Variants in RSU1 observed in about 807,000 individuals in gnomAD.
RSU1 encodes the protein Ras suppressor protein 1, also known as rsu-1.
A neutral mutation model predicts 31.1 loss-of-function variants in RSU1; 26 were observed. The observed-to-expected ratio is 0.84, with a 90% CI of 0.61 to 1.16. RSU1 has a LOEUF of 1.16. RSU1 is among the 50% of genes most tolerant of loss of function. The probability of loss-of-function intolerance (pLI) is 0.00; values close to 1 mark genes in which losing one functional copy is unlikely to be tolerated. For missense variants in RSU1, 320 were observed against 339.1 expected (o/e 0.94, Z 0.44); for synonymous variants, 164 against 136.3 (o/e 1.20, Z -1.41).
intron 7 of RSU1, among the ~76,000 whole-genome samples, chr10:16,699,713 G>A (rs1263998353): frequency 1.3e-5 from 2 of 152,198 alleles, no homozygotes; most frequent in African/African-American, 4.8e-5. Context: ...TGCATCTACA[G>A]ACACGCTGGC....
At chr10:16,798,462 C>A (rs551008340) in intron 2 of RSU1, among the ~76,000 whole-genome samples, 1 of 152,044 alleles carries the variant, frequency 6.6e-6, no homozygotes, top group Non-Finnish European at 1.5e-5. Context: ...ACTGTTCCCC[C>A]GATAGTGAGT....
At chr10:16,643,495 G>C (rs1326516596) in intron 8 of RSU1, among the ~76,000 whole-genome samples, 1 of 152,110 alleles carries the variant, frequency 6.6e-6, no homozygotes, top group Non-Finnish European at 1.5e-5. Flanking sequence ...TTAGAAACAA[G>C]TATATTGGAA....
chr10:16,767,958 T>G (rs1837348141), intron 3 of RSU1, among the ~76,000 whole-genome samples: 1 of 152,202 alleles, frequency 6.6e-6, no homozygotes, highest in South Asian at 2.1e-4. Context: ...TTTTAGGTAT[T>G]CCAAAAAGGC....
At chr10:16,679,492 G>A (rs910146354) in intron 8 of RSU1, among the ~76,000 whole-genome samples, 5 of 152,048 alleles carry the variant, frequency 3.3e-5, no homozygotes, top group Non-Finnish European at 5.9e-5. Flanking sequence ...GATGATAAAA[G>A]GAGCTTAGAG....
intron 8 of RSU1, among the ~76,000 whole-genome samples, chr10:16,613,807 A>C (rs1236238518): frequency 6.6e-6 from 1 of 152,012 alleles, no homozygotes; most frequent in Non-Finnish European, 1.5e-5. Context: ...TTAAAAAAAA[A>C]AAAAACAAAA....
At chr10:16,801,869 A>T (rs1014525734) in intron 2 of RSU1, among the ~76,000 whole-genome samples, 7 of 152,134 alleles carry the variant, frequency 4.6e-5, no homozygotes, top group Non-Finnish European at 7.4e-5. Flanking sequence ...TGTGAACTGC[A>T]GCAAAATCAA....
chr10:16,594,429 A>G (rs915521117), intron 8 of RSU1, among the ~76,000 whole-genome samples: 5 of 147,972 alleles, frequency 3.4e-5, no homozygotes, highest in African/African-American at 1.3e-4. Flanking sequence ...TTTTTTCCTG[A>G]GTGTCTCACT....
intron 8 of RSU1, among the ~76,000 whole-genome samples, chr10:16,684,552 G>A (rs1835403325): frequency 1.3e-5 from 2 of 152,134 alleles, no homozygotes; most frequent in South Asian, 4.1e-4. Context: ...GATACCTAGA[G>A]AGATGATGAT....
intron 7 of RSU1, among the ~76,000 whole-genome samples, chr10:16,742,919 T>C (rs192159549): frequency 5.3e-5 from 8 of 152,338 alleles, no homozygotes; most frequent in Admixed American, 2.6e-4. Flanking sequence ...AAACATTTTC[T>C]GGGGCTAAAG....
intron 8 of RSU1, among the ~76,000 whole-genome samples, chr10:16,632,964 G>C (rs1296610854): frequency 6.6e-6 from 1 of 152,088 alleles, no homozygotes; most frequent in Non-Finnish European, 1.5e-5. Flanking sequence ...AAAAAACCCT[G>C]AAGACAAATA....
chr10:16,767,072 A>G (rs995876054), intron 3 of RSU1, among the ~76,000 whole-genome samples: 4 of 151,032 alleles, frequency 2.6e-5, no homozygotes, highest in African/African-American at 9.7e-5. Flanking sequence ...CTTCTGGGTC[A>G]CTGGATGTCA....
At chr10:16,703,387 A>T (rs748018355) in intron 7 of RSU1, among the ~76,000 whole-genome samples, 1 of 152,220 alleles carries the variant, frequency 6.6e-6, no homozygotes, top group African/African-American at 2.4e-5. Context: ...GGCGATTTCT[A>T]TTAAGAGTTG....
chr10:16,682,850 C>A (rs1382890254), intron 8 of RSU1, among the ~76,000 whole-genome samples: 1 of 152,078 alleles, frequency 6.6e-6, no homozygotes, highest in Non-Finnish European at 1.5e-5. Context: ...GGTCCCATCA[C>A]ATGACACAGA....
intron 8 of RSU1, among the ~76,000 whole-genome samples, chr10:16,664,794 T>C (rs1397476923): frequency 2.0e-5 from 3 of 152,192 alleles, no homozygotes; most frequent in African/African-American, 4.8e-5. Context: ...AGAGACATAA[T>C]ACCGGAAATA....
intron 7 of RSU1, among the ~76,000 whole-genome samples, chr10:16,710,674 A>AT (rs1287322604): frequency 1.4e-5 from 2 of 147,714 alleles, no homozygotes; most frequent in African/African-American, 2.4e-5. Context: ...AAATTTTTTT[A>AT]TTTTTTATTA....
chr10:16,759,362 C>CA (rs1837160670), intron 4 of RSU1, among the ~76,000 whole-genome samples: 5 of 151,988 alleles, frequency 3.3e-5, no homozygotes, highest in African/African-American at 1.2e-4. Context: ...CAAAAATCAG[C>CA]ATGGCGTGGT....
chr10:16,752,499 C>G, intron 7 of RSU1, 40 bp downstream of exon 7: 3 of 1,453,336 alleles, frequency 2.1e-6, no homozygotes, highest in Non-Finnish European at 1.9e-6. Context: ...AATTGTTATT[C>G]ATGAAACCCA....
At chr10:16,606,556 G>A (rs990666968) in intron 8 of RSU1, among the ~76,000 whole-genome samples, 3 of 152,168 alleles carry the variant, frequency 2.0e-5, no homozygotes, top group Admixed American at 6.5e-5. Context: ...GATGAGGGTC[G>A]TTCATGACCT....
At chr10:16,647,263 C>T (rs1173911548) in intron 8 of RSU1, among the ~76,000 whole-genome samples, 5 of 152,306 alleles carry the variant, frequency 3.3e-5, no homozygotes, top group African/African-American at 7.2e-5. Flanking sequence ...TGAGCCACCG[C>T]GCCCAGCCCG....
Sources: allele counts gnomAD v4.1 joint callset (sites outside exome capture counted in the v4.1 genomes callset), GRCh38; gene constraint gnomAD v4.1.1; transcripts MANE v1.5; gene names NCBI Gene and HGNC (gene_info 2026-07-23, HGNC 2026-07-21).